AFF3: variants seen among roughly 807,000 people sequenced by gnomAD.
AFF3 encodes the protein AF4/FMR2 family member 3.
A neutral mutation model predicts 129.7 loss-of-function variants in AFF3; 32 were observed. That is an observed-to-expected ratio of 0.25 (90% CI 0.19 to 0.33). The LOEUF (loss-of-function observed/expected upper bound fraction) is 0.33. AFF3 is among the 10% of genes least tolerant of loss of function. The probability of loss-of-function intolerance (pLI) is 1.00; values close to 1 mark genes in which losing one functional copy is unlikely to be tolerated. For synonymous variants in AFF3, 644 were observed against 635.4 expected (o/e 1.01, Z -0.20); for missense variants, 1,373 against 1,592.0 (o/e 0.86, Z 2.34).
chr2:100,000,589 T>C (rs1484066213), intron 7 of AFF3, among the ~76,000 whole-genome samples: 1 of 152,180 alleles, frequency 6.6e-6, no homozygotes, highest in Non-Finnish European at 1.5e-5. Context: ...TTGTTTGCTT[T>C]TGTTTCAAAG....
At chr2:99,650,509 A>G (rs1156285495) in intron 12 of AFF3, among the ~76,000 whole-genome samples, 1 of 152,198 alleles carries the variant, frequency 6.6e-6, no homozygotes, top group Admixed American at 6.5e-5. Context: ...CAGTGAGCCA[A>G]GATCATGCCA....
intron 4 of AFF3, among the ~76,000 whole-genome samples, chr2:100,037,484 T>C (rs1361863190): frequency 2.2e-5 from 2 of 91,364 alleles, no homozygotes; most frequent in South Asian, 6.9e-4. Flanking sequence ...ATATTTTATA[T>C]ATTATTTATA....
chr2:100,047,766 T>G (rs1265141408), intron 4 of AFF3, among the ~76,000 whole-genome samples: 1 of 152,246 alleles, frequency 6.6e-6, no homozygotes, highest in South Asian at 2.1e-4. Context: ...TGTGACAAAT[T>G]AAGCTACAAA....
At chr2:99,752,412 A>G (rs1042525790) in intron 8 of AFF3, 111 bp from the exon 9 acceptor site, 3 of 761,312 alleles carry the variant, frequency 3.9e-6, no homozygotes, top group Non-Finnish European at 6.4e-6. Context: ...AAGGGTTAAA[A>G]AATGTACAAA....
chr2:99,781,753 A>G (rs770265771), intron 8 of AFF3, among the ~76,000 whole-genome samples: 1 of 152,252 alleles, frequency 6.6e-6, no homozygotes, highest in Non-Finnish European at 1.5e-5. Context: ...GAATAAATGA[A>G]TGAATGAATG....
chr2:99,893,723 G>C (rs139701445), intron 7 of AFF3, among the ~76,000 whole-genome samples: 128 of 152,326 alleles, frequency 8.4e-4, no homozygotes, highest in African/African-American at 2.9e-3. Context: ...ATAAACTAGA[G>C]AAGAACATCA....
intron 7 of AFF3, among the ~76,000 whole-genome samples, chr2:99,945,017 T>C (rs1016860723): frequency 6.6e-6 from 1 of 152,202 alleles, no homozygotes; most frequent in Admixed American, 6.5e-5. Context: ...CCTATGCACG[T>C]AGGCACTGTT....
intron 4 of AFF3, among the ~76,000 whole-genome samples, chr2:100,071,342 T>A (rs1439839603): frequency 6.6e-6 from 1 of 152,166 alleles, no homozygotes; most frequent in African/African-American, 2.4e-5. Flanking sequence ...AGTATAAAAG[T>A]GACAGGAGGG....
intron 7 of AFF3, among the ~76,000 whole-genome samples, chr2:99,907,307 T>G (rs962950622): frequency 2.0e-4 from 30 of 152,202 alleles, no homozygotes; most frequent in African/African-American, 7.0e-4. Context: ...GTTCACTGTG[T>G]GTAATTTTAT....
At chr2:100,134,937 A>C (rs1159555985) in intron 1 of AFF3, among the ~76,000 whole-genome samples, 5 of 152,126 alleles carry the variant, frequency 3.3e-5, no homozygotes. Context: ...TATTTTATAC[A>C]AGGTGGTCAG....
chr2:99,910,345 C>G (rs939119289), intron 7 of AFF3, among the ~76,000 whole-genome samples: 1 of 152,150 alleles, frequency 6.6e-6, no homozygotes, highest in Non-Finnish European at 1.5e-5. Context: ...TTTTTCAAAA[C>G]TAGACTTGAT....
chr2:99,739,162 A>T (rs919623959), intron 10 of AFF3, among the ~76,000 whole-genome samples: 6 of 151,848 alleles, frequency 4.0e-5, no homozygotes, highest in Non-Finnish European at 5.9e-5. Context: ...CATCACTGCA[A>T]GCAATTCGCA....
chr2:99,721,547 A>C (rs1678893780), intron 11 of AFF3, among the ~76,000 whole-genome samples: 1 of 152,050 alleles, frequency 6.6e-6, no homozygotes, highest in African/African-American at 2.4e-5. Flanking sequence ...AAGAAAAAAA[A>C]AAAGAATTCT....
intron 7 of AFF3, among the ~76,000 whole-genome samples, chr2:99,968,326 T>C (rs951454219): frequency 2.6e-5 from 4 of 152,190 alleles, no homozygotes; most frequent in Non-Finnish European, 5.9e-5. Flanking sequence ...GTGGATTCTA[T>C]TTTCCTCTCA....
chr2:100,122,458 C>A (rs941835296), intron 2 of AFF3, among the ~76,000 whole-genome samples: 1 of 152,134 alleles, frequency 6.6e-6, no homozygotes, highest in Non-Finnish European at 1.5e-5. Flanking sequence ...GATGCAGAAA[C>A]AAAAGCATTA....
chr2:99,957,350 C>T (rs1330316512), intron 7 of AFF3, among the ~76,000 whole-genome samples: 1 of 152,144 alleles, frequency 6.6e-6, no homozygotes, highest in South Asian at 2.1e-4. Flanking sequence ...GGGTTGCATG[C>T]AGAAATCAAT....
intron 4 of AFF3, among the ~76,000 whole-genome samples, chr2:100,031,819 T>C (rs923905294): frequency 6.6e-6 from 1 of 152,116 alleles, no homozygotes; most frequent in Admixed American, 6.5e-5. Flanking sequence ...ACACGGTAAA[T>C]AAATAAATGG....
intron 13 of AFF3, among the ~76,000 whole-genome samples, chr2:99,645,430 C>T (rs904512117): frequency 6.6e-6 from 1 of 152,108 alleles, no homozygotes; most frequent in Non-Finnish European, 1.5e-5. Flanking sequence ...CATAAATGGG[C>T]CTCTGGTAGG....
intron 9 of AFF3, 71 bp downstream of exon 9, chr2:99,752,147 GGGT>G: frequency 7.7e-7 from 1 of 1,300,124 alleles, no homozygotes; most frequent in South Asian, 1.2e-5. Flanking sequence ...AGACAATCAC[GGGT>G]AAAGCCCACT....
Sources: allele counts gnomAD v4.1 joint callset (sites outside exome capture counted in the v4.1 genomes callset), GRCh38; gene constraint gnomAD v4.1.1; transcripts MANE v1.5; gene names NCBI Gene and HGNC (gene_info 2026-07-23, HGNC 2026-07-21).